The following METTL24 variants were observed in gnomAD, a reference collection of about 807,000 sequenced individuals.
METTL24 encodes the protein probable methyltransferase-like protein 24.
Under a neutral mutation model 32.7 loss-of-function variants are expected in METTL24, and 29 were observed. The ratio of observed to expected loss-of-function variants is 0.89; its 90% CI spans 0.66 to 1.21. The LOEUF (loss-of-function observed/expected upper bound fraction) is 1.21. METTL24 is among the 50% of genes most tolerant of loss of function. METTL24 has a pLI of 0.00. For missense variants in METTL24, 439 were observed against 468.1 expected, an observed-to-expected ratio of 0.94 and a Z score of 0.57; for synonymous variants, 163 against 179.5, an observed-to-expected ratio of 0.91 and a Z score of 0.73.
At chr6:110,316,359 G>A (rs1771819356) in intron 2 of METTL24, among the ~76,000 whole-genome samples, 1 of 152,198 alleles carries the variant, frequency 6.6e-6, no homozygotes. Flanking sequence ...TCGCACAGCT[G>A]AGGCTGTTGA....
rs181856254 is a variant in METTL24 at position 110,289,798 on chromosome 6, C to T, written c.786+9124G>A. ...TTCCTCAGCCATCTAGTTCTTCTCC[C>T]TGGAGCTTCCCAGCATCACTAGTTT... is the stretch of plus-strand genomic sequence containing the variant. On this transcript the variant is annotated intron_variant, in intron 4 of 4. Transcript: ENST00000338882. Among the ~76,000 whole-genome samples, 5 of 152,254 alleles carry T rather than the reference C, an allele frequency of 3.3e-5. No individual in the cohort carries two copies. In the East Asian group the frequency reaches 7.7e-4, roughly 23 times the overall value.
chr6:110,257,140 T>C (rs1021627252), intron 4 of METTL24, among the ~76,000 whole-genome samples: 1 of 152,344 alleles, frequency 6.6e-6, no homozygotes, highest in East Asian at 1.9e-4. Context: ...ATTGGTTTTA[T>C]CTTATGGAAT....
intron 4 of METTL24, chr6:110,253,966 T>TC: frequency 7.1e-7 from 1 of 1,399,608 alleles, no homozygotes; most frequent in Non-Finnish European, 9.3e-7. Flanking sequence ...TGGGTGAAGG[T>TC]CCAGACCTCA....
chr6:110,299,881 C>G (rs1275779089), intron 3 of METTL24, among the ~76,000 whole-genome samples: 2 of 151,992 alleles, frequency 1.3e-5, no homozygotes. Context: ...GATTAAAACA[C>G]CAGTTTTAAT....
chr6:110,261,816 T>G (rs1434173836), intron 4 of METTL24, among the ~76,000 whole-genome samples: 1 of 152,006 alleles, frequency 6.6e-6, no homozygotes, highest in Non-Finnish European at 1.5e-5. Context: ...AGAAACTCAC[T>G]CAAAACCGCT....
At chr6:110,259,351 A>G (rs1344167964) in intron 4 of METTL24, among the ~76,000 whole-genome samples, 1 of 152,184 alleles carries the variant, frequency 6.6e-6, no homozygotes, top group East Asian at 1.9e-4. Context: ...TCCTACACCC[A>G]TGGAGCCTTG....
intron 1 of METTL24, among the ~76,000 whole-genome samples, chr6:110,330,407 A>G (rs1015616591): frequency 5.9e-5 from 9 of 152,210 alleles, no homozygotes; most frequent in African/African-American, 2.2e-4. Flanking sequence ...AAGCAGGGGT[A>G]AAAGCCCAAA....
intron 1 of METTL24, among the ~76,000 whole-genome samples, chr6:110,353,698 G>A (rs186545646): frequency 2.0e-5 from 3 of 152,108 alleles, no homozygotes; most frequent in Non-Finnish European, 4.4e-5. Flanking sequence ...AAATATATCC[G>A]ATAAGAGAGA....
chr6:110,250,158 T>C (rs1480524019), intron 4 of METTL24, among the ~76,000 whole-genome samples: 1 of 151,768 alleles, frequency 6.6e-6, no homozygotes, highest in Admixed American at 6.6e-5. Flanking sequence ...CAAAAGACCA[T>C]GGATTGGGAG....
chr6:110,270,263 T>C (rs1389807115), intron 4 of METTL24, among the ~76,000 whole-genome samples: 1 of 151,922 alleles, frequency 6.6e-6, no homozygotes, highest in Non-Finnish European at 1.5e-5. Context: ...GTTTCCAGGA[T>C]CCTCTATCCT....
intron 4 of METTL24, among the ~76,000 whole-genome samples, chr6:110,281,300 G>A (rs1436846192): frequency 6.6e-6 from 1 of 152,092 alleles, no homozygotes; most frequent in Non-Finnish European, 1.5e-5. Context: ...GAAAGTAGTG[G>A]AAAATAAAGA....
At chr6:110,325,798 T>C (rs1772007172) in intron 1 of METTL24, among the ~76,000 whole-genome samples, 1 of 152,218 alleles carries the variant, frequency 6.6e-6, no homozygotes, top group Non-Finnish European at 1.5e-5. Flanking sequence ...GCTGGCTTCC[T>C]GCCTCACAGA....
At chr6:110,262,669 A>C (rs1770761444) in intron 4 of METTL24, among the ~76,000 whole-genome samples, 1 of 152,204 alleles carries the variant, frequency 6.6e-6, no homozygotes, top group African/African-American at 2.4e-5. Flanking sequence ...CAACAAAAAA[A>C]AGAGAATTTT....
At chr6:110,356,866 G>A (rs562530301) in intron 1 of METTL24, among the ~76,000 whole-genome samples, 1 of 152,360 alleles carries the variant, frequency 6.6e-6, no homozygotes, top group African/African-American at 2.4e-5. Context: ...CAGCAGTGGT[G>A]TGGAAAAACG....
intron 1 of METTL24, among the ~76,000 whole-genome samples, chr6:110,335,879 G>T (rs981528054): frequency 6.6e-6 from 1 of 152,222 alleles, no homozygotes; most frequent in Admixed American, 6.5e-5. Flanking sequence ...CCTCTAGGCT[G>T]CTGGTCCCAT....
chr6:110,350,759 C>CAATG (rs1772580549), intron 1 of METTL24, among the ~76,000 whole-genome samples: 1 of 66,950 alleles, frequency 1.5e-5, no homozygotes, highest in African/African-American at 6.2e-5. Context: ...GACCCTGTCT[C>CAATG]AACAAAATAA....
chr6:110,272,377 G>A (rs1770973137), intron 4 of METTL24, among the ~76,000 whole-genome samples: 1 of 152,162 alleles, frequency 6.6e-6, no homozygotes, highest in Non-Finnish European at 1.5e-5. Context: ...TTGGTCGATG[G>A]GCATTTAGGA....
At chr6:110,290,630 A>T (rs943547028) in intron 4 of METTL24, among the ~76,000 whole-genome samples, 3 of 152,186 alleles carry the variant, frequency 2.0e-5, no homozygotes, top group Non-Finnish European at 4.4e-5. Flanking sequence ...ATTTACAGAC[A>T]TTTGAGTTGT....
intron 4 of METTL24, among the ~76,000 whole-genome samples, chr6:110,295,976 A>C (rs75461090): frequency 0.018 from 2,670 of 152,164 alleles, 91 homozygotes; most frequent in African/African-American, 0.059. Flanking sequence ...CTCAAAAAAA[A>C]CCCACAATTT....
Sources: gnomAD v4.1 joint callset for allele counts (sites outside exome capture counted in the v4.1 genomes callset) on GRCh38, gnomAD v4.1.1 for gene constraint, MANE v1.5 for transcripts, NCBI Gene and HGNC (gene_info 2026-07-23, HGNC 2026-07-21) for gene names.